The following GRID1 variants were observed in gnomAD, a reference collection of about 807,000 sequenced individuals.
The protein encoded by GRID1 is glutamate receptor ionotropic, delta-1.
A neutral mutation model predicts 98.0 loss-of-function variants in GRID1; 28 were observed. The observed-to-expected ratio is 0.29, with a 90% confidence interval of 0.21 to 0.39. The LOEUF is 0.39. Among genes scored for constraint, GRID1 ranks in the 10% least tolerant of loss-of-function variants. The pLI is 1.00. For synonymous variants in GRID1, 553 were observed against 538.5 expected (o/e 1.03, Z -0.37); for missense variants, 1,111 against 1,340.5 (o/e 0.83, Z 2.67).
chr10:85,831,628 A>G (rs908945334), intron 8 of GRID1, among the ~76,000 whole-genome samples: 2 of 152,142 alleles, frequency 1.3e-5, no homozygotes, highest in South Asian at 4.1e-4. Flanking sequence ...CAGTGAAAAT[A>G]AGTTAGAAAC....
At chr10:86,152,693 G>A (rs1845186453) in intron 3 of GRID1, among the ~76,000 whole-genome samples, 1 of 152,226 alleles carries the variant, frequency 6.6e-6, no homozygotes, top group Non-Finnish European at 1.5e-5. Flanking sequence ...TGGGCAGAGT[G>A]AGGCTGTCTA....
At chr10:85,967,652 A>T (rs1262473220) in intron 4 of GRID1, among the ~76,000 whole-genome samples, 1 of 152,358 alleles carries the variant, frequency 6.6e-6, no homozygotes, top group East Asian at 1.9e-4. Context: ...GACAGAAATT[A>T]TATTTTTAAA....
At chr10:86,203,751 C>CTCTG (rs1279944636) in intron 3 of GRID1, among the ~76,000 whole-genome samples, 1 of 151,900 alleles carries the variant, frequency 6.6e-6, no homozygotes, top group Non-Finnish European at 1.5e-5. Flanking sequence ...AGAACCCCAG[C>CTCTG]TCTGGGGTTC....
chr10:85,778,959 A>G (rs111921325), intron 8 of GRID1, among the ~76,000 whole-genome samples: 1,667 of 152,366 alleles, frequency 0.011, 30 homozygotes, highest in African/African-American at 0.038. Flanking sequence ...AATAATATTT[A>G]GAGGAGGATG....
chr10:85,664,245 A>C (rs1840995814), intron 12 of GRID1, among the ~76,000 whole-genome samples: 1 of 152,100 alleles, frequency 6.6e-6, no homozygotes, highest in Admixed American at 6.5e-5. Context: ...CTATGTGCCA[A>C]GCTCTGGGTA....
At chr10:86,273,154 C>T (rs1038786642) in intron 2 of GRID1, among the ~76,000 whole-genome samples, 1 of 151,340 alleles carries the variant, frequency 6.6e-6, no homozygotes, top group African/African-American at 2.4e-5. Context: ...TGAGTGAGAA[C>T]ATGCGGTGTT....
At chr10:85,831,612 T>A (rs1234036502) in intron 8 of GRID1, among the ~76,000 whole-genome samples, 1 of 152,088 alleles carries the variant, frequency 6.6e-6, no homozygotes, top group African/African-American at 2.4e-5. Context: ...ACAAATTTGC[T>A]GATCACAGTG....
At chr10:86,044,306 T>C (rs1297181015) in intron 4 of GRID1, among the ~76,000 whole-genome samples, 2 of 152,242 alleles carry the variant, frequency 1.3e-5, no homozygotes, top group African/African-American at 4.8e-5. Flanking sequence ...CCTACTTGCT[T>C]GCTAATCATA....
chr10:85,813,744 G>C (rs1238592002), intron 8 of GRID1, among the ~76,000 whole-genome samples: 1 of 151,726 alleles, frequency 6.6e-6, no homozygotes, highest in Non-Finnish European at 1.5e-5. Context: ...TATATCTTAA[G>C]TACTTTTAAA....
chr10:85,805,233 T>A (rs1397390283), intron 8 of GRID1, among the ~76,000 whole-genome samples: 1 of 151,476 alleles, frequency 6.6e-6, no homozygotes, highest in Non-Finnish European at 1.5e-5. Context: ...CACTGAAAAA[T>A]GAAATTTAAA....
At position 85,634,249 on chromosome 10, in the gene GRID1, C is replaced by CCTCTCTCTCTCTCTCTCTCTCTCTCT. The variant is rs775506130; in HGVS notation, c.2193+12927_2193+12952dup. On this transcript the variant is annotated intron_variant, in intron 13 of 15. Coordinates refer to ENST00000327946, the MANE Select transcript of GRID1 (RefSeq NM_017551.3). ...ATTCCTGCACAGCCCTGATGGGGCACCTCTCTCTCTCTCTCTCTCTCTCTC... is the reference window on the plus strand; with the variant it reads ...ATTCCTGCACAGCCCTGATGGGGCACCTCTCTCTCTCTCTCTCTCTCTCTCTCTCTCTCTCTCTCTCTCTCTCTCTC... Among the ~76,000 whole-genome samples, 82 of 92,356 alleles carry CCTCTCTCTCTCTCTCTCTCTCTCTCT rather than the reference C, an allele frequency of 8.9e-4. 1 individual carries two copies. Among genetic ancestry groups the CCTCTCTCTCTCTCTCTCTCTCTCTCT allele is most frequent in the Middle Eastern group, 7.9e-3 (1 of 126 alleles). The allele number at this position is 92,356 out of a possible 152,430, so 60.6% of individuals were successfully genotyped here.
At chr10:85,909,628 T>C (rs1841509239) in intron 5 of GRID1, among the ~76,000 whole-genome samples, 1 of 152,168 alleles carries the variant, frequency 6.6e-6, no homozygotes, top group East Asian at 1.9e-4. Flanking sequence ...AATAATTTCA[T>C]TGAGTAAAAT....
chr10:86,215,983 G>A (rs1846172261), intron 2 of GRID1, among the ~76,000 whole-genome samples: 1 of 152,142 alleles, frequency 6.6e-6, no homozygotes, highest in Admixed American at 6.5e-5. Context: ...ATGTAGACAT[G>A]CCCATTCTAA....
At chr10:86,357,600 A>T (rs1848549661) in intron 2 of GRID1, among the ~76,000 whole-genome samples, 1 of 152,224 alleles carries the variant, frequency 6.6e-6, no homozygotes, top group Non-Finnish European at 1.5e-5. Context: ...TCTTGAGTAC[A>T]GGTGGATGTG....
intron 4 of GRID1, among the ~76,000 whole-genome samples, chr10:86,125,023 T>C (rs574482810): frequency 2.0e-5 from 3 of 152,306 alleles, no homozygotes; most frequent in Admixed American, 1.3e-4. Flanking sequence ...GGTCCCTCCC[T>C]GCAAGTGAGA....
chr10:85,814,464 A>C (rs536653157), intron 8 of GRID1, among the ~76,000 whole-genome samples: 1 of 152,132 alleles, frequency 6.6e-6, no homozygotes, highest in African/African-American at 2.4e-5. Flanking sequence ...TGAAGTTAAA[A>C]ACAGAAAAAC....
At chr10:85,860,699 C>A (rs1207941443) in intron 6 of GRID1, among the ~76,000 whole-genome samples, 1 of 152,192 alleles carries the variant, frequency 6.6e-6, no homozygotes, top group Non-Finnish European at 1.5e-5. Context: ...CCAGCCTGGA[C>A]CAGCTTTGCT....
chr10:86,111,042 T>C (rs1256878121), intron 4 of GRID1, among the ~76,000 whole-genome samples: 1 of 152,122 alleles, frequency 6.6e-6, no homozygotes, highest in Non-Finnish European at 1.5e-5. Flanking sequence ...GATTTGTGGG[T>C]TGCTTGGGCA....
At chr10:86,020,129 C>G (rs1052439833) in intron 4 of GRID1, among the ~76,000 whole-genome samples, 1 of 152,254 alleles carries the variant, frequency 6.6e-6, no homozygotes, top group African/African-American at 2.4e-5. Context: ...TCTGCACACT[C>G]CCCTCAGAGG....
Sources: allele counts gnomAD v4.1 joint callset (sites outside exome capture counted in the v4.1 genomes callset), GRCh38; gene constraint gnomAD v4.1.1; transcripts MANE v1.5; gene names NCBI Gene and HGNC (gene_info 2026-07-23, HGNC 2026-07-21).